The following UNC5D variants were observed in gnomAD, a reference collection of about 807,000 sequenced individuals.
UNC5D encodes the protein unc-5 netrin receptor D, also known as netrin receptor UNC5D.
Under a neutral mutation model 105.4 loss-of-function variants are expected in UNC5D, and 39 were observed. The ratio of observed to expected loss-of-function variants is 0.37; its 90% CI spans 0.29 to 0.48. The LOEUF (loss-of-function observed/expected upper bound fraction) is 0.48, where lower values mean the gene tolerates loss of function less well. Among genes scored for constraint, UNC5D ranks in the 20% least tolerant of loss-of-function variants. The pLI is 0.98. For missense variants in UNC5D, 991 were observed against 1,202.4 expected, an observed-to-expected ratio of 0.82 and a Z score of 2.60; for synonymous variants, 452 against 450.4, an observed-to-expected ratio of 1.00 and a Z score of -0.04.
intron 8 of UNC5D, among the ~76,000 whole-genome samples, chr8:35,707,025 G>A (rs1217063640): frequency 3.3e-5 from 5 of 152,168 alleles, no homozygotes; most frequent in African/African-American, 4.8e-5. Context: ...TGTGAAAGAC[G>A]TCCCTGCCTA....
chr8:35,353,660 A>T (rs1480730466), intron 1 of UNC5D, among the ~76,000 whole-genome samples: 2 of 152,172 alleles, frequency 1.3e-5, no homozygotes, highest in African/African-American at 4.8e-5. Context: ...TTCCAATTAA[A>T]TGCAGAGCAG....
intron 8 of UNC5D, among the ~76,000 whole-genome samples, chr8:35,706,912 T>G (rs536560369): frequency 3.9e-5 from 6 of 152,262 alleles, no homozygotes; most frequent in South Asian, 4.1e-4. Flanking sequence ...ATCAGAAATA[T>G]GTAAAGGACG....
intron 3 of UNC5D, among the ~76,000 whole-genome samples, chr8:35,589,043 C>CA (rs796752210): frequency 3.2e-3 from 420 of 132,760 alleles, no homozygotes; most frequent in Admixed American, 5.3e-3. Context: ...GACTTCATCT[C>CA]AAAAAAAAAA....
intron 1 of UNC5D, among the ~76,000 whole-genome samples, chr8:35,332,284 T>C (rs1175533468): frequency 6.6e-6 from 1 of 152,362 alleles, no homozygotes; most frequent in South Asian, 2.1e-4. Context: ...CTTTTACTAT[T>C]GTACTGTGAT....
chr8:35,724,177 TG>T, intron 9 of UNC5D: 4 of 1,478,418 alleles, frequency 2.7e-6, no homozygotes, highest in Non-Finnish European at 3.6e-6. Context: ...TCAACTTATG[TG>T]TATTGTAAAT....
At chr8:35,493,812 G>A (rs185576304) in intron 1 of UNC5D, among the ~76,000 whole-genome samples, 12 of 152,032 alleles carry the variant, frequency 7.9e-5, no homozygotes, top group African/African-American at 1.7e-4. Context: ...TCTATTCTCC[G>A]TATTTCCATG....
At chr8:35,484,118 A>G (rs1563461731) in intron 1 of UNC5D, among the ~76,000 whole-genome samples, 1 of 152,190 alleles carries the variant, frequency 6.6e-6, no homozygotes. Context: ...ATTAAGCGTT[A>G]TTTATATTCA....
At position 35,368,802 on chromosome 8, in the gene UNC5D, G is replaced by C. The variant is rs549799053; in HGVS notation, c.103+132915G>C. ...GGGTCCCTTAGAACAAGAGACAGTA[G>C]AAAGCTTCCTCTCTCTCCATGCTTA... On this transcript the variant is annotated intron_variant, in intron 1 of 16. Transcript: ENST00000404895. 3.3e-5 allele frequency among the ~76,000 whole-genome samples: 5 copies of C among 152,082 alleles called. 1 individual carries two copies. In the South Asian group the frequency reaches 1.0e-3, roughly 32 times the overall value.
intron 11 of UNC5D, among the ~76,000 whole-genome samples, chr8:35,746,535 T>C (rs116591233): frequency 6.6e-6 from 1 of 152,178 alleles, no homozygotes; most frequent in East Asian, 1.9e-4. Context: ...TAATGCCTAT[T>C]TAATGCAAAA....
intron 2 of UNC5D, among the ~76,000 whole-genome samples, chr8:35,566,721 G>A (rs1817364693): frequency 6.6e-6 from 1 of 152,172 alleles, no homozygotes; most frequent in African/African-American, 2.4e-5. Context: ...AGAGTACCGT[G>A]GAAATGTAAA....
At chr8:35,527,878 C>G (rs1294426250) in intron 1 of UNC5D, among the ~76,000 whole-genome samples, 1 of 151,924 alleles carries the variant, frequency 6.6e-6, no homozygotes, top group Admixed American at 6.6e-5. Flanking sequence ...ATGGTCACTA[C>G]TCTCATAACC....
intron 7 of UNC5D, among the ~76,000 whole-genome samples, chr8:35,698,592 C>CCA (rs751077035): frequency 2.6e-5 from 4 of 152,174 alleles, no homozygotes; most frequent in Non-Finnish European, 5.9e-5. Flanking sequence ...GGCAGGATGT[C>CCA]CTTCTCTTTT....
At chr8:35,656,609 C>T (rs749306042) in intron 4 of UNC5D, among the ~76,000 whole-genome samples, 7 of 152,078 alleles carry the variant, frequency 4.6e-5, no homozygotes, top group Admixed American at 6.6e-5. Context: ...ATTGAACCTC[C>T]GTAATGCAAA....
chr8:35,624,640 A>G (rs1311532672), intron 4 of UNC5D, among the ~76,000 whole-genome samples: 1 of 152,214 alleles, frequency 6.6e-6, no homozygotes, highest in Admixed American at 6.5e-5. Context: ...GTCTTGTCCT[A>G]AGATTTAAAT....
chr8:35,240,227 G>A (rs933802180), intron 1 of UNC5D, among the ~76,000 whole-genome samples: 1 of 152,160 alleles, frequency 6.6e-6, no homozygotes, highest in Non-Finnish European at 1.5e-5. Flanking sequence ...TAGGATTACA[G>A]GTATGAACCA....
chr8:35,473,407 G>T (rs913409977), intron 1 of UNC5D, among the ~76,000 whole-genome samples: 3 of 152,186 alleles, frequency 2.0e-5, no homozygotes, highest in African/African-American at 4.8e-5. Context: ...CTGGCACGTG[G>T]TATGCATCCA....
intron 3 of UNC5D, among the ~76,000 whole-genome samples, chr8:35,587,965 A>AAT (rs57681405): frequency 0.42 from 43,680 of 104,676 alleles, 10,202 homozygotes; most frequent in Middle Eastern, 0.48. Context: ...TAACTATAAT[A>AAT]ATATATATAT....
intron 1 of UNC5D, among the ~76,000 whole-genome samples, chr8:35,305,231 T>C (rs1313484540): frequency 1.3e-5 from 2 of 152,084 alleles, no homozygotes; most frequent in African/African-American, 4.8e-5. Context: ...AAGACAAATT[T>C]TAATTGAATA....
intron 1 of UNC5D, among the ~76,000 whole-genome samples, chr8:35,484,372 C>T (rs1810692757): frequency 6.6e-6 from 1 of 152,150 alleles, no homozygotes. Flanking sequence ...TTCTCATTTT[C>T]TCTTTTGCTC....
Sources: gnomAD v4.1 joint callset for allele counts (sites outside exome capture counted in the v4.1 genomes callset) on GRCh38, gnomAD v4.1.1 for gene constraint, MANE v1.5 for transcripts, NCBI Gene and HGNC (gene_info 2026-07-23, HGNC 2026-07-21) for gene names.